Variants in COP1 observed in about 807,000 individuals in gnomAD.
The protein encoded by COP1 is COP1 E3 ubiquitin ligase, also known as E3 ubiquitin-protein ligase COP1.
COP1 carries 24 observed loss-of-function variants against 101.3 expected under a neutral mutation model. The ratio of observed to expected loss-of-function variants is 0.24; its 90% CI spans 0.17 to 0.33. The LOEUF (loss-of-function observed/expected upper bound fraction) is 0.33. Ranked by LOEUF, COP1 falls within the 10% of genes least tolerant of loss-of-function variation. COP1 has a pLI of 1.00. For missense variants in COP1, 663 were observed against 906.2 expected (o/e 0.73, Z 3.45); for synonymous variants, 347 against 341.9 (o/e 1.01, Z -0.17).
rs761487389 is a variant in COP1 at position 176,081,176 on chromosome 1, T to C, written c.1253A>G (p.Tyr418Cys). Residue 418 changes from tyrosine (Y) to cysteine (C), a missense_variant, in exon 11 of 20, where the codon TAT (tyrosine) becomes TGT (cysteine). This residue lies in a region of COP1 where 209 missense variants were observed against 383.3 expected (regional missense o/e 0.55). Coordinates refer to ENST00000367669, the MANE Select transcript of COP1 (RefSeq NM_022457.7). ...LATLSYASDL[Y>C]NGSSIVSSIE... ...CCTAGAGACTATACTGGAACCATTA[T>C]AGAGATCACTAGCATATGACAATGT... The C allele has an allele frequency of 1.4e-5, 23 of 1,608,922 alleles. No homozygotes were observed. Among genetic ancestry groups the C allele is most frequent in the Non-Finnish European group, 2.0e-5 (23 of 1,176,720 alleles).
intron 5 of COP1, among the ~76,000 whole-genome samples, chr1:176,154,402 T>C (rs1291113529): frequency 6.6e-6 from 1 of 152,166 alleles, no homozygotes; most frequent in African/African-American, 2.4e-5. Flanking sequence ...TGCCCATTAA[T>C]GGTAGATTAG....
intron 11 of COP1, among the ~76,000 whole-genome samples, chr1:176,058,143 G>GGC (rs1384845631): frequency 5.1e-5 from 7 of 136,132 alleles, no homozygotes; most frequent in East Asian, 5.2e-4. Flanking sequence ...GGTGGGGGGG[G>GGC]GGTCAGCCCC....
intron 11 of COP1, among the ~76,000 whole-genome samples, chr1:176,059,717 G>A (rs1043455310): frequency 2.0e-5 from 3 of 152,022 alleles, no homozygotes; most frequent in Admixed American, 6.6e-5. Context: ...TCCTGACCTC[G>A]TGATCCACCT....
intron 11 of COP1, among the ~76,000 whole-genome samples, chr1:176,052,783 G>A (rs148078541): frequency 5.9e-4 from 89 of 151,974 alleles, no homozygotes; most frequent in African/African-American, 2.0e-3. Context: ...ACACGTATTT[G>A]GTTTTTTTCA....
chr1:176,101,802 T>C (rs181303283), intron 9 of COP1, among the ~76,000 whole-genome samples: 6 of 152,326 alleles, frequency 3.9e-5, no homozygotes, highest in African/African-American at 1.4e-4. Flanking sequence ...CCTCAGATGA[T>C]GGCCCCTTTT....
intron 6 of COP1, 53 bp from the exon 7 acceptor site, chr1:176,136,600 CA>C: frequency 1.7e-6 from 2 of 1,162,010 alleles, no homozygotes. Context: ...TAAGCCAAAC[CA>C]AAATGGCATC....
At chr1:176,205,372 T>C (rs1700723301) in intron 1 of COP1, among the ~76,000 whole-genome samples, 1 of 152,166 alleles carries the variant, frequency 6.6e-6, no homozygotes, top group Admixed American at 6.5e-5. Context: ...GAAAGGTGAA[T>C]AAAGACATCA....
At chr1:176,085,632 G>T in intron 10 of COP1, 144 bp downstream of exon 10, 1 of 441,206 alleles carries the variant, frequency 2.3e-6, no homozygotes, top group African/African-American at 2.0e-5. Context: ...AGATCACTAA[G>T]AACCTCCATG....
intron 8 of COP1, among the ~76,000 whole-genome samples, chr1:176,123,670 A>G (rs1425316187): frequency 1.3e-5 from 2 of 152,188 alleles, no homozygotes; most frequent in Non-Finnish European, 2.9e-5. Flanking sequence ...TTTCAAAGAC[A>G]TTACAGAAGA....
intron 3 of COP1, among the ~76,000 whole-genome samples, chr1:176,173,309 T>G (rs895267427): frequency 2.4e-5 from 1 of 41,808 alleles, no homozygotes; most frequent in Admixed American, 3.8e-4. Flanking sequence ...AGACTTTGTC[T>G]CAAAAAAACA....
At chr1:176,148,392 T>TA (rs1691908916) in intron 6 of COP1, among the ~76,000 whole-genome samples, 2 of 150,072 alleles carry the variant, frequency 1.3e-5, no homozygotes, top group African/African-American at 4.9e-5. Flanking sequence ...AGTTAGAAAT[T>TA]TAAAAAAAAA....
rs890897707 is a variant in COP1, at chr1:176,163,068, T to C, written c.643-80A>G. On this transcript the variant is annotated intron_variant, in intron 4 of 19. Coordinates refer to ENST00000367669, the MANE Select transcript of COP1 (RefSeq NM_022457.7). ...ACTAAAACAAATGTTTACTTGCTAC[T>C]TCCTAATATGCTCATTACATAGATA... 5.5e-5 allele frequency: 76 copies of C among 1,388,218 alleles called. No individual in the cohort carries two copies. The South Asian group carries it at 8.2e-4, about 15-fold the overall frequency. 86.0% of individuals were successfully genotyped at this position (1,388,218 alleles called of 1,614,324 possible).
intron 5 of COP1, among the ~76,000 whole-genome samples, chr1:176,157,941 G>C (rs568012739): frequency 6.6e-6 from 1 of 152,150 alleles, no homozygotes; most frequent in East Asian, 1.9e-4. Context: ...ACTTCAACTA[G>C]CCTAAGAGAT....
At chr1:176,178,832 A>C (rs1697335733) in intron 2 of COP1, among the ~76,000 whole-genome samples, 1 of 150,608 alleles carries the variant, frequency 6.6e-6, no homozygotes, top group African/African-American at 2.4e-5. Flanking sequence ...CAGCCTGGGC[A>C]ACAAGAGCAA....
At chr1:176,162,034 A>T (rs1210929054) in intron 5 of COP1, among the ~76,000 whole-genome samples, 1 of 152,188 alleles carries the variant, frequency 6.6e-6, no homozygotes, top group East Asian at 1.9e-4. Flanking sequence ...ACCATGTGAT[A>T]AAAAAGTCTA....
chr1:176,120,937 CTG>C (rs879416984), intron 8 of COP1, among the ~76,000 whole-genome samples: 3 of 152,028 alleles, frequency 2.0e-5, no homozygotes, highest in Non-Finnish European at 4.4e-5. Flanking sequence ...ATAAAGCACA[CTG>C]AGATCATTTT....
intron 3 of COP1, chr1:176,168,649 G>A: frequency 4.1e-6 from 1 of 245,668 alleles, no homozygotes; most frequent in Non-Finnish European, 8.4e-6. Flanking sequence ...TGGAGGGTCG[G>A]ACTTCCAGCC....
chr1:176,193,476 G>A (rs78984037), intron 1 of COP1, among the ~76,000 whole-genome samples: 269 of 152,088 alleles, frequency 1.8e-3, no homozygotes, highest in Middle Eastern at 3.4e-3. Context: ...AAATGTTCAC[G>A]GGAACATTAT....
chr1:176,036,065 A>G (rs879425003), intron 14 of COP1, among the ~76,000 whole-genome samples: 2 of 152,120 alleles, frequency 1.3e-5, no homozygotes, highest in Non-Finnish European at 2.9e-5. Context: ...CAGAATGGAA[A>G]AGCAAATATA....
Sources: allele counts gnomAD v4.1 joint callset (sites outside exome capture counted in the v4.1 genomes callset), GRCh38; gene constraint gnomAD v4.1.1; regional missense constraint gnomAD v4.1.1; transcripts MANE v1.5; gene names NCBI Gene and HGNC (gene_info 2026-07-23, HGNC 2026-07-21).